The following COLEC12 variants were observed in gnomAD, a reference collection of about 807,000 sequenced individuals.
COLEC12 encodes collectin-12.
In COLEC12, 33 loss-of-function variants were observed where a neutral mutation model predicts 71.1. The observed-to-expected ratio is 0.46, with a 90% CI of 0.35 to 0.62. COLEC12 has a LOEUF of 0.62. COLEC12 is among the 20% of genes least tolerant of loss of function. COLEC12 has a pLI of 0.00. For synonymous variants in COLEC12, 350 were observed against 353.0 expected (o/e 0.99, Z 0.10); for missense variants, 765 against 916.1 (o/e 0.84, Z 2.13).
chr18:338,984 A>ATTTTTTTTTTTTTTTTT (rs33991062), intron 5 of COLEC12, among the ~76,000 whole-genome samples: 2 of 144,566 alleles, frequency 1.4e-5, no homozygotes, highest in South Asian at 2.2e-4. Flanking sequence ...TATTGTCTTA[A>ATTTTTTTTTTTTTTTTT]TTTTTTTTTT....
At chr18:448,681 G>A (rs1844149119) in intron 2 of COLEC12, among the ~76,000 whole-genome samples, 1 of 152,162 alleles carries the variant, frequency 6.6e-6, no homozygotes, top group South Asian at 2.1e-4. Flanking sequence ...TAGGTTGTCA[G>A]TGGACAAAAA....
At chr18:335,638 C>T (rs888772915) in intron 5 of COLEC12, among the ~76,000 whole-genome samples, 2 of 152,140 alleles carry the variant, frequency 1.3e-5, no homozygotes, top group African/African-American at 4.8e-5. Flanking sequence ...GGAGGGAGGC[C>T]TCGGAGGAAA....
At chr18:363,918 C>G (rs1001534789) in intron 2 of COLEC12, among the ~76,000 whole-genome samples, 1 of 152,240 alleles carries the variant, frequency 6.6e-6, no homozygotes, top group South Asian at 2.1e-4. Flanking sequence ...GCCATGAAAA[C>G]GGAAGCAGGA....
chr18:458,770 T>A (rs1477449498), intron 2 of COLEC12, among the ~76,000 whole-genome samples: 1 of 152,242 alleles, frequency 6.6e-6, no homozygotes, highest in Non-Finnish European at 1.5e-5. Context: ...CGTGAAGCCA[T>A]TTTCCCCAGT....
chr18:433,408 C>G (rs1916342798), intron 2 of COLEC12, among the ~76,000 whole-genome samples: 1 of 152,152 alleles, frequency 6.6e-6, no homozygotes, highest in African/African-American at 2.4e-5. Context: ...GGGGCTTCAT[C>G]TGAGGCAGGA....
In COLEC12 at chr18:438,869, G is replaced by T. The variant is rs148417315; in HGVS notation, c.58+41838C>A. Among the ~76,000 whole-genome samples the T allele has an allele frequency of 5.2e-3, 793 of 151,172 alleles. 10 individuals are homozygous for T. The highest frequency in any genetic ancestry group is 0.018 in the African/African-American group (745 of 41,216). ...ACCCTACATTTACAAATGCTCAAAA[G>T]CCACAGAAGAAAGAAGACCAGAGCT... On this transcript the variant is annotated intron_variant, in intron 2 of 9. Transcript: ENST00000400256.
chr18:410,261 C>T (rs2143634131), intron 2 of COLEC12, among the ~76,000 whole-genome samples: 1 of 152,246 alleles, frequency 6.6e-6, no homozygotes, highest in East Asian at 1.9e-4. Flanking sequence ...AATGAAAGTT[C>T]CAGGACTTCC....
intron 2 of COLEC12, among the ~76,000 whole-genome samples, chr18:398,580 G>A (rs754140542): frequency 9.2e-5 from 14 of 152,174 alleles, no homozygotes; most frequent in South Asian, 2.1e-4. Context: ...TACACTCAGC[G>A]GTCCCTGATG....
chr18:488,561 GA>G (rs1403167534), intron 1 of COLEC12, among the ~76,000 whole-genome samples: 2 of 152,012 alleles, frequency 1.3e-5, no homozygotes, highest in Admixed American at 1.3e-4. Context: ...GGAAAAATTA[GA>G]AAATCAATTT....
intron 9 of COLEC12, among the ~76,000 whole-genome samples, chr18:320,958 A>G (rs1913688593): frequency 6.6e-6 from 1 of 152,264 alleles, no homozygotes; most frequent in Admixed American, 6.5e-5. Flanking sequence ...GATCTGGCCT[A>G]TAGTAGATGC....
intron 2 of COLEC12, among the ~76,000 whole-genome samples, chr18:389,452 G>A (rs1030617406): frequency 1.3e-5 from 2 of 151,760 alleles, no homozygotes; most frequent in African/African-American, 4.8e-5. Flanking sequence ...CTAATTTTTT[G>A]TATTTTTAGT....
chr18:377,024 TAGA>T (rs764791310), intron 2 of COLEC12, among the ~76,000 whole-genome samples: 3 of 152,188 alleles, frequency 2.0e-5, no homozygotes, highest in Non-Finnish European at 4.4e-5. Flanking sequence ...TGGTAAGAAA[TAGA>T]AGAAGGATAG....
At chr18:414,807 T>A (rs1915957037) in intron 2 of COLEC12, among the ~76,000 whole-genome samples, 1 of 152,176 alleles carries the variant, frequency 6.6e-6, no homozygotes, top group East Asian at 1.9e-4. Context: ...ACACCCAGCC[T>A]GCAGACCACA....
At chr18:461,908 A>G (rs912591048) in intron 2 of COLEC12, among the ~76,000 whole-genome samples, 3 of 152,334 alleles carry the variant, frequency 2.0e-5, no homozygotes, top group African/African-American at 7.2e-5. Flanking sequence ...GCTACATGGT[A>G]GCAAACCAAA....
In COLEC12 at chr18:348,134, C is replaced by G. The variant is rs1404416188; in HGVS notation, c.211G>C (p.Gly71Arg). ...TAGGTTTGGCGAGATGTTTCCATGC[C>G]ACCTGTGACATTGTCCATTTTCTCT... is the stretch of plus-strand genomic sequence containing the variant. The part of the protein sequence containing the change: ...VVEKMDNVTG[G>R]METSRQTYDD... Residue 71 changes from glycine (G) to arginine (R), a missense_variant, in exon 4 of 10, where the codon GGC becomes CGC. Coordinates refer to ENST00000400256, the MANE Select transcript of COLEC12 (RefSeq NM_130386.3). The G allele has an allele frequency of 6.2e-7, 1 of 1,613,598 alleles. No individual in the cohort carries two copies. Among genetic ancestry groups the G allele is most frequent in the East Asian group, 2.2e-5 (1 of 44,868 alleles).
intron 2 of COLEC12, among the ~76,000 whole-genome samples, chr18:440,295 C>T (rs535689057): frequency 2.6e-5 from 4 of 151,310 alleles, no homozygotes; most frequent in Non-Finnish European, 4.4e-5. Context: ...AGCATGGTAA[C>T]TGTAGTTAAT....
At chr18:334,659 T>C (rs771266724) in intron 6 of COLEC12, 83 bp downstream of exon 6, 216 of 1,226,292 alleles carry the variant, frequency 1.8e-4, no homozygotes, top group Non-Finnish European at 2.2e-4. Context: ...ATAACATGGG[T>C]GGGGCCACAC....
chr18:347,233 C>G lies in COLEC12; in HGVS notation c.389G>C (p.Ser130Thr). 1 of 1,614,122 alleles carries G rather than the reference C, an allele frequency of 6.2e-7. No homozygotes were observed. The highest frequency in any genetic ancestry group is 1.3e-5 in the African/African-American group (1 of 75,016). ...CTTCTCCAGCGTATCCTTGTTCTTG[C>G]TGGTTTTTTCTGTAATCTCACGAAG... Reference protein sequence around the residue: ...QQLREITEKTSKNKDTLEKLQ... With the variant: ...QQLREITEKTTKNKDTLEKLQ... The change falls in exon 5 of 10, where the codon AGC becomes ACC. Residue 130 changes from serine to threonine, a missense_variant. Ser to Thr is a moderately conservative substitution (Grantham distance 58, BLOSUM62 1). Coordinates refer to ENST00000400256, the MANE Select transcript of COLEC12 (RefSeq NM_130386.3).
At position 500,163 on chromosome 18, in the gene COLEC12, G is replaced by A. The variant is rs73360509; in HGVS notation, c.7+345C>T. ...CTGCGGCGTGGAAAAGCGACCGGGA[G>A]GGATGGCGATGCCTCCACTCTCCTC... On this transcript the variant is annotated intron_variant, in intron 1 of 9. Coordinates refer to ENST00000400256, the MANE Select transcript of COLEC12 (RefSeq NM_130386.3). This position sits in a 1 kb window ranked among gnomAD's most constrained non-coding sequence, Gnocchi z 5.3. Among the ~76,000 whole-genome samples, 1,611 of 152,308 alleles carry A rather than the reference G, an allele frequency of 0.011. 32 individuals carry two copies. The highest frequency in any genetic ancestry group is 0.037 in the African/African-American group (1,532 of 41,566).
Sources: gnomAD v4.1 joint callset for allele counts (sites outside exome capture counted in the v4.1 genomes callset) on GRCh38, gnomAD v4.1.1 for gene constraint, Gnocchi (gnomAD v3.1) non-coding constraint, MANE v1.5 for transcripts, NCBI Gene and HGNC (gene_info 2026-07-23, HGNC 2026-07-21) for gene names.